Variants in AKAP13 observed in about 807,000 individuals in gnomAD.
The protein encoded by AKAP13 is A-kinase anchor protein 13.
Under a neutral mutation model 264.5 loss-of-function variants are expected in AKAP13, and 80 were observed. The ratio of observed to expected loss-of-function variants is 0.30; its 90% CI spans 0.25 to 0.36. The LOEUF (loss-of-function observed/expected upper bound fraction) is 0.36, where lower values mean the gene tolerates loss of function less well. Ranked by LOEUF, AKAP13 falls within the 10% of genes least tolerant of loss-of-function variation. The probability of loss-of-function intolerance (pLI) is 1.00; values close to 1 mark genes in which losing one functional copy is unlikely to be tolerated. For missense variants in AKAP13, 3,712 were observed against 3,435.2 expected (o/e 1.08, Z -2.01); for synonymous variants, 1,380 against 1,250.2 (o/e 1.10, Z -2.19).
intron 1 of AKAP13, among the ~76,000 whole-genome samples, chr15:85,440,151 T>C (rs1180389207): frequency 1.3e-5 from 2 of 152,148 alleles, no homozygotes; most frequent in Non-Finnish European, 2.9e-5. Context: ...TTTGTTCATA[T>C]AGAAGAACCA....
chr15:85,645,512 T>C (rs1484652417), intron 9 of AKAP13, among the ~76,000 whole-genome samples: 1 of 152,212 alleles, frequency 6.6e-6, no homozygotes, highest in African/African-American at 2.4e-5. Context: ...GGTATCTAAA[T>C]AGAAGTAGAA....
rs184028067 is a variant in AKAP13, at chr15:85,728,755, C to T, written c.7087+1292C>T. ...CATGTCTGCCAAGGAATGACAGGTT[C>T]GGTGTGTCTGGAGGGTCAGGGCTAA... On this transcript the variant is annotated intron_variant, in intron 29 of 36. Transcript: ENST00000394518. Among the ~76,000 whole-genome samples the T allele has an allele frequency of 3.9e-5, 6 of 151,938 alleles. No individual in the cohort carries two copies. In the East Asian group the frequency reaches 7.7e-4, roughly 20 times the overall value.
chr15:85,433,056 A>G (rs1328821465), intron 1 of AKAP13, among the ~76,000 whole-genome samples: 1 of 150,548 alleles, frequency 6.6e-6, no homozygotes, highest in Non-Finnish European at 1.5e-5. Context: ...TTAAAATATT[A>G]AATCATATAC....
Position 85,540,853 on chromosome 15 carries a change from T to C in AKAP13, c.479-2919T>C, listed in dbSNP as rs1200111361. Among the ~76,000 whole-genome samples the C allele has an allele frequency of 2.6e-5, 4 of 152,356 alleles. No individual in the cohort carries two copies. In the South Asian group the frequency reaches 8.3e-4, roughly 32 times the overall value. Reference sequence around the variant, plus strand: ...GGGGTATATGCATGCGGTGGACTACTCAGCAGTAAAAGAGAATGTACTACT... The same window carrying C: ...GGGGTATATGCATGCGGTGGACTACCCAGCAGTAAAAGAGAATGTACTACT... On this transcript the variant is annotated intron_variant, in intron 4 of 36. Coordinates refer to ENST00000394518, the MANE Select transcript of AKAP13 (RefSeq NM_007200.5).
At chr15:85,479,880 A>G (rs139562269) in intron 1 of AKAP13, among the ~76,000 whole-genome samples, 25 of 152,228 alleles carry the variant, frequency 1.6e-4, no homozygotes, top group African/African-American at 6.0e-4. Context: ...ATCTGGATAC[A>G]TTCTCATTTT....
chr15:85,393,666 ATAT>A (rs1275541854), intron 1 of AKAP13, among the ~76,000 whole-genome samples: 1 of 152,188 alleles, frequency 6.6e-6, no homozygotes, highest in Non-Finnish European at 1.5e-5. Context: ...TATAAGACAG[ATAT>A]TATTCTTTCT....
intron 1 of AKAP13, among the ~76,000 whole-genome samples, chr15:85,439,227 C>T (rs1286997835): frequency 1.9e-4 from 28 of 149,452 alleles, no homozygotes; most frequent in African/African-American, 6.6e-4. Flanking sequence ...AAATGCTCAT[C>T]ATCACTGGCC....
intron 2 of AKAP13, among the ~76,000 whole-genome samples, chr15:85,499,860 G>A (rs1007635018): frequency 5.3e-5 from 8 of 151,884 alleles, no homozygotes; most frequent in South Asian, 2.1e-4. Flanking sequence ...TGCCTTTTCC[G>A]TTTATTATGT....
chr15:85,442,527 T>TATATAATATATATTATATTATA (rs1567059808), intron 1 of AKAP13, among the ~76,000 whole-genome samples: 2 of 74,074 alleles, frequency 2.7e-5, no homozygotes, highest in African/African-American at 8.7e-5. Context: ...TATTATATTA[T>TATATAATATATATTATATTATA]ATATAATATA....
intron 13 of AKAP13, 87 bp from the exon 14 acceptor site, chr15:85,669,635 A>G (rs12904047): frequency 0.24 from 234,825 of 966,754 alleles, 32,298 homozygotes; most frequent in Middle Eastern, 0.38. Flanking sequence ...TTATTTTACT[A>G]TGTGGGTCTA....
intron 10 of AKAP13, among the ~76,000 whole-genome samples, chr15:85,652,341 A>G (rs1330138077): frequency 6.6e-6 from 1 of 152,224 alleles, no homozygotes; most frequent in Non-Finnish European, 1.5e-5. Context: ...ATTGGATGCC[A>G]GAGTGAAGAA....
intron 20 of AKAP13, among the ~76,000 whole-genome samples, chr15:85,716,460 C>T (rs1293940833): frequency 2.0e-5 from 3 of 152,204 alleles, no homozygotes; most frequent in Non-Finnish European, 2.9e-5. Flanking sequence ...CCTGGCCAGG[C>T]CTTGGCTGTC....
Position 85,684,790 on chromosome 15 carries a change from G to T in AKAP13, c.5206G>T (p.Asp1736Tyr). Residue 1736 changes from aspartate (D) to tyrosine (Y), a missense_variant, in exon 16 of 37, where the codon GAT (aspartate) becomes TAT (tyrosine). Asp to Tyr is a radical substitution (Grantham distance 160). Coordinates refer to ENST00000394518, the MANE Select transcript of AKAP13 (RefSeq NM_007200.5). ...CCTGCCACATAGCCCCTCCAAGAAA[G>T]ATTCTGAATGGAAGAGTGGAACAAA... ...NFLPHSPSKK[D>Y]SEWKSGTKVS... The T allele has an allele frequency of 6.2e-7, 1 of 1,613,732 alleles. No individual in the cohort carries two copies. The highest frequency in any genetic ancestry group is 8.5e-7 in the Non-Finnish European group (1 of 1,179,964).
At chr15:85,623,602 T>A (rs937032200) in intron 8 of AKAP13, among the ~76,000 whole-genome samples, 3 of 152,226 alleles carry the variant, frequency 2.0e-5, no homozygotes, top group Non-Finnish European at 4.4e-5. Flanking sequence ...CTGGGTACGC[T>A]AGTGTCATCC....
At chr15:85,458,517 A>G (rs1437462060) in intron 1 of AKAP13, among the ~76,000 whole-genome samples, 5 of 151,380 alleles carry the variant, frequency 3.3e-5, no homozygotes, top group African/African-American at 1.2e-4. Flanking sequence ...TTTATATATT[A>G]AAATAATCAT....
intron 17 of AKAP13, among the ~76,000 whole-genome samples, chr15:85,705,803 A>G (rs940141448): frequency 2.2e-5 from 3 of 136,434 alleles, no homozygotes; most frequent in Non-Finnish European, 4.8e-5. Flanking sequence ...TGCCCCATGC[A>G]TCTTCCTTCC....
Position 85,502,067 on chromosome 15 carries a change from T to C in AKAP13, c.33+16314T>C, listed in dbSNP as rs534255682. Among the ~76,000 whole-genome samples, 3 of 152,240 alleles carry C rather than the reference T, an allele frequency of 2.0e-5. No individual in the cohort carries two copies. In the East Asian group the frequency reaches 5.8e-4, roughly 29 times the overall value. On this transcript the variant is annotated intron_variant, in intron 2 of 36. Coordinates refer to ENST00000394518, the MANE Select transcript of AKAP13 (RefSeq NM_007200.5). Reference sequence around the variant, plus strand: ...CCAGGAGGGCTTATTAAAACCCAGATTGCTGGGCCACACCCCAGAGTTTCT... The same window carrying C: ...CCAGGAGGGCTTATTAAAACCCAGACTGCTGGGCCACACCCCAGAGTTTCT...
intron 5 of AKAP13, among the ~76,000 whole-genome samples, chr15:85,558,423 A>G (rs2078228901): frequency 6.6e-6 from 1 of 152,246 alleles, no homozygotes; most frequent in Non-Finnish European, 1.5e-5. Context: ...CAAGGTCATT[A>G]GAAGCTTATT....
At chr15:85,624,825 TG>T (rs1298553230) in intron 8 of AKAP13, among the ~76,000 whole-genome samples, 1 of 152,222 alleles carries the variant, frequency 6.6e-6, no homozygotes, top group African/African-American at 2.4e-5. Context: ...TTCTGACTGA[TG>T]GGAACACATT....
Sources: allele counts gnomAD v4.1 joint callset (sites outside exome capture counted in the v4.1 genomes callset), GRCh38; gene constraint gnomAD v4.1.1; transcripts MANE v1.5; gene names NCBI Gene and HGNC (gene_info 2026-07-23, HGNC 2026-07-21).